Variants in SYTL5 observed in about 807,000 individuals in gnomAD.
SYTL5 encodes the protein synaptotagmin-like protein 5.
In SYTL5, 34 loss-of-function variants were observed where a neutral mutation model predicts 55.9. The observed-to-expected ratio is 0.61, with a 90% CI of 0.46 to 0.81. The LOEUF (loss-of-function observed/expected upper bound fraction) is 0.81, where lower values mean the gene tolerates loss of function less well. SYTL5 is among the 30% of genes least tolerant of loss of function. The pLI is 0.00. For missense variants in SYTL5, 637 were observed against 546.7 expected (o/e 1.17, Z -1.65); for synonymous variants, 221 against 188.7 (o/e 1.17, Z -1.40).
At chrX:37,966,501 G>A in the SYTL5 span, among the ~76,000 whole-genome samples, 2 of 95,093 alleles carry the variant, frequency 2.1e-5, no homozygotes, top group African/African-American at 3.9e-5. Context: ...GCAGTGGCAC[G>A]ATCTCGGCTC....
chrX:38,087,064 G>T (rs750620439), intron 6 of SYTL5, among the ~76,000 whole-genome samples: 50 of 111,172 alleles, frequency 4.5e-4, no homozygotes, highest in Non-Finnish European at 8.7e-4. Flanking sequence ...GCTAATCCAT[G>T]ATGGGGCGTT....
chrX:38,057,247 C>T (rs896082656), intron 3 of SYTL5, among the ~76,000 whole-genome samples: 15 of 111,695 alleles, frequency 1.3e-4, no homozygotes, highest in African/African-American at 4.9e-4. Context: ...ACTCTCCTTT[C>T]CCCAATGTAT....
chrX:38,019,978 G>A (rs772703959), intron 1 of SYTL5, among the ~76,000 whole-genome samples: 1 of 111,490 alleles, frequency 9.0e-6, no homozygotes, highest in African/African-American at 3.3e-5. Flanking sequence ...TTTACTGCAC[G>A]AACATTTATA....
chrX:38,011,673 T>C (rs1392882881), intron 1 of SYTL5, among the ~76,000 whole-genome samples: 1 of 110,158 alleles, frequency 9.1e-6, no homozygotes, highest in Non-Finnish European at 1.9e-5. Context: ...TGTTTTGCCC[T>C]GTACTTAACT....
chrX:37,892,658 ATACATATATTAGTATATAT>A, the SYTL5 span, among the ~76,000 whole-genome samples: 1 of 92,550 alleles, frequency 1.1e-5, no homozygotes, highest in Non-Finnish European at 2.0e-5. Flanking sequence ...ATTAGTATAT[ATACATATATTAGTATATAT>A]GTATATATTA....
At chrX:37,909,482 AT>A in the SYTL5 span, among the ~76,000 whole-genome samples, 672 of 104,082 alleles carry the variant, frequency 6.5e-3, no homozygotes, top group Middle Eastern at 0.025. Context: ...TTTTTTTTCA[AT>A]TTTTTTTTTT....
At chrX:37,890,739 G>A in the SYTL5 span, among the ~76,000 whole-genome samples, 6 of 112,211 alleles carry the variant, frequency 5.3e-5, no homozygotes, top group Non-Finnish European at 7.5e-5. Flanking sequence ...ATACAGAATC[G>A]AAATAGACAT....
rs148373456 is a variant in SYTL5 at position 38,109,473 on chromosome X, G to A, written c.1434+774G>A. On this transcript the variant is annotated intron_variant, in intron 12 of 16. Coordinates refer to ENST00000297875, the MANE Select transcript of SYTL5 (RefSeq NM_138780.3). ...CAAGCCTGCATGTGTCAGTGGGAGCGTGTGTGGAAGCAGGAACTAATATTA... is the reference window on the plus strand; with the variant it reads ...CAAGCCTGCATGTGTCAGTGGGAGCATGTGTGGAAGCAGGAACTAATATTA... Among the ~76,000 whole-genome samples the A allele has an allele frequency of 1.6e-4, 18 of 110,727 alleles. No homozygotes were observed. In the East Asian group the frequency reaches 4.5e-3, roughly 28 times the overall value.
chrX:38,085,845 CT>C (rs1456537912), intron 6 of SYTL5, among the ~76,000 whole-genome samples: 279 of 111,248 alleles, frequency 2.5e-3, no homozygotes, highest in African/African-American at 8.5e-3. Flanking sequence ...TCTCTACCCC[CT>C]ATCCTTGGAT....
chrX:37,909,610 G>A, the SYTL5 span, among the ~76,000 whole-genome samples: 854 of 110,578 alleles, frequency 7.7e-3, 10 homozygotes, highest in African/African-American at 0.026. Flanking sequence ...GATTAGCAGT[G>A]GTATTCAAAC....
the SYTL5 span, among the ~76,000 whole-genome samples, chrX:37,913,985 A>G: frequency 2.7e-5 from 3 of 112,137 alleles, no homozygotes; most frequent in Non-Finnish European, 5.6e-5. Context: ...AAAACTTTTT[A>G]GCACTTGCTG....
intron 1 of SYTL5, among the ~76,000 whole-genome samples, chrX:38,023,696 G>C (rs183079256): frequency 1.8e-5 from 2 of 110,705 alleles, no homozygotes; most frequent in African/African-American, 6.6e-5. Context: ...TTCCAGCTTC[G>C]AGAGCTTCTA....
At chrX:37,890,345 T>C in the SYTL5 span, among the ~76,000 whole-genome samples, 48 of 111,912 alleles carry the variant, frequency 4.3e-4, no homozygotes, top group Non-Finnish European at 8.3e-4. Flanking sequence ...ATCTTAGTTA[T>C]AGATTAAAAG....
chrX:37,909,211 G>C, the SYTL5 span, among the ~76,000 whole-genome samples: 1 of 112,046 alleles, frequency 8.9e-6, no homozygotes, highest in South Asian at 3.7e-4. Context: ...TGCCCGCTTT[G>C]ATTTAACTTT....
At chrX:37,997,147 A>T in the SYTL5 span, among the ~76,000 whole-genome samples, 1 of 112,781 alleles carries the variant, frequency 8.9e-6, no homozygotes, top group African/African-American at 3.2e-5. Context: ...TACATTCCTC[A>T]TGATGGCAGT....
chrX:38,001,079 T>C, the SYTL5 span, among the ~76,000 whole-genome samples: 2 of 110,948 alleles, frequency 1.8e-5, no homozygotes, highest in African/African-American at 6.6e-5. Context: ...AAAAAATGTC[T>C]GTCCTCACCT....
the SYTL5 span, among the ~76,000 whole-genome samples, chrX:37,901,773 A>G: frequency 1.8e-3 from 203 of 111,636 alleles, 1 homozygote; most frequent in African/African-American, 6.3e-3. Context: ...TGAGATTCCT[A>G]TTGCCATTCA....
the SYTL5 span, among the ~76,000 whole-genome samples, chrX:37,903,178 G>A: frequency 0.031 from 3,404 of 110,778 alleles, 124 homozygotes; most frequent in African/African-American, 0.11. Flanking sequence ...AATACCATTC[G>A]ACCCCGCCAT....
intron 1 of SYTL5, among the ~76,000 whole-genome samples, chrX:38,008,512 G>A (rs986532527): frequency 2.7e-5 from 3 of 111,464 alleles, no homozygotes; most frequent in Admixed American, 9.6e-5. Context: ...GTTAGCAACC[G>A]CTGTGGTTAC....
Sources: allele counts gnomAD v4.1 joint callset (sites outside exome capture counted in the v4.1 genomes callset), GRCh38; gene constraint gnomAD v4.1.1; transcripts MANE v1.5; gene names NCBI Gene and HGNC (gene_info 2026-07-23, HGNC 2026-07-21).